The following DLG2 variants were observed in gnomAD, a reference collection of about 807,000 sequenced individuals.
DLG2 encodes the protein discs large MAGUK scaffold protein 2.
A neutral mutation model predicts 132.5 loss-of-function variants in DLG2; 45 were observed. That is an observed-to-expected ratio of 0.34 (90% CI 0.27 to 0.44). DLG2 has a LOEUF of 0.44. Ranked by LOEUF, DLG2 falls within the 20% of genes least tolerant of loss-of-function variation. The probability of loss-of-function intolerance (pLI) is 1.00; values close to 1 mark genes in which losing one functional copy is unlikely to be tolerated. For synonymous variants in DLG2, 424 were observed against 419.6 expected, an observed-to-expected ratio of 1.01 and a Z score of -0.13; for missense variants, 1,045 against 1,196.9, an observed-to-expected ratio of 0.87 and a Z score of 1.87.
At chr11:83,559,934 G>T (rs1028782195) in intron 19 of DLG2, among the ~76,000 whole-genome samples, 1 of 152,108 alleles carries the variant, frequency 6.6e-6, no homozygotes, top group African/African-American at 2.4e-5. Context: ...ACCCTGAAGA[G>T]CCTACCCTGA....
At chr11:83,863,877 A>G (rs1170215637) in intron 16 of DLG2, among the ~76,000 whole-genome samples, 1 of 152,142 alleles carries the variant, frequency 6.6e-6, no homozygotes, top group Non-Finnish European at 1.5e-5. Context: ...CAAGGACTTC[A>G]GGGATGCAGT....
intron 15 of DLG2, among the ~76,000 whole-genome samples, chr11:83,906,245 TCTCTCTCTCTCTCACA>T (rs2074817092): frequency 8.5e-6 from 1 of 117,146 alleles, no homozygotes; most frequent in Admixed American, 8.7e-5. Context: ...TCTCTCTCTC[TCTCTCTCTCTCTCACA>T]CACACACACA....
chr11:85,146,316 C>T (rs961513657), intron 5 of DLG2, among the ~76,000 whole-genome samples: 1 of 151,418 alleles, frequency 6.6e-6, no homozygotes, highest in African/African-American at 2.4e-5. Flanking sequence ...CCAAAGCTAT[C>T]ACAGCCAGGA....
intron 6 of DLG2, among the ~76,000 whole-genome samples, chr11:84,563,946 T>C (rs1476242272): frequency 6.6e-6 from 1 of 152,220 alleles, no homozygotes; most frequent in Non-Finnish European, 1.5e-5. Context: ...ACATTTCAGA[T>C]ACTGATATTA....
At chr11:84,229,038 T>G (rs1218839097) in intron 8 of DLG2, among the ~76,000 whole-genome samples, 1 of 152,188 alleles carries the variant, frequency 6.6e-6, no homozygotes, top group African/African-American at 2.4e-5. Context: ...CTATATCATA[T>G]GTACTCTATA....
At chr11:83,989,879 G>A (rs2093606189) in intron 11 of DLG2, among the ~76,000 whole-genome samples, 2 of 152,148 alleles carry the variant, frequency 1.3e-5, no homozygotes, top group Non-Finnish European at 2.9e-5. Flanking sequence ...TGATTTCGGG[G>A]AAGTGATAGT....
chr11:85,116,815 C>A (rs2073660103), intron 5 of DLG2, among the ~76,000 whole-genome samples: 1 of 151,874 alleles, frequency 6.6e-6, no homozygotes, highest in South Asian at 2.1e-4. Flanking sequence ...TGAATCCTAT[C>A]TATAATGTAA....
intron 18 of DLG2, among the ~76,000 whole-genome samples, chr11:83,648,889 C>T (rs920086038): frequency 4.6e-5 from 7 of 152,142 alleles, no homozygotes; most frequent in Admixed American, 1.3e-4. Flanking sequence ...TCCTTTATAC[C>T]TTTTAAAAGT....
chr11:84,995,588 C>T (rs557820792), intron 6 of DLG2, among the ~76,000 whole-genome samples: 1 of 152,292 alleles, frequency 6.6e-6, no homozygotes, highest in South Asian at 2.1e-4. Flanking sequence ...GAAATATATA[C>T]ACTTACATAT....
At chr11:83,707,424 C>G (rs1399183996) in intron 18 of DLG2, among the ~76,000 whole-genome samples, 1 of 152,326 alleles carries the variant, frequency 6.6e-6, no homozygotes, top group East Asian at 1.9e-4. Flanking sequence ...AATCCCAGCA[C>G]TTTGGGAGGC....
At chr11:84,819,512 A>T (rs1221645836) in intron 6 of DLG2, among the ~76,000 whole-genome samples, 1 of 151,850 alleles carries the variant, frequency 6.6e-6, no homozygotes, top group African/African-American at 2.4e-5. Flanking sequence ...TTTCATGCCT[A>T]TATGCCTGGC....
chr11:84,082,436 C>T (rs2096918353), intron 10 of DLG2, among the ~76,000 whole-genome samples: 1 of 152,112 alleles, frequency 6.6e-6, no homozygotes, highest in Non-Finnish European at 1.5e-5. Context: ...CAGAGAAATA[C>T]ATTATCTTCA....
At chr11:85,030,913 A>G (rs2060943642) in intron 6 of DLG2, among the ~76,000 whole-genome samples, 1 of 151,962 alleles carries the variant, frequency 6.6e-6, no homozygotes, top group Admixed American at 6.6e-5. Context: ...CCTCTGAATG[A>G]ACTTTTAGCT....
At chr11:85,228,696 T>C (rs1350413551) in intron 4 of DLG2, among the ~76,000 whole-genome samples, 1 of 151,932 alleles carries the variant, frequency 6.6e-6, no homozygotes, top group Non-Finnish European at 1.5e-5. Flanking sequence ...TTTATATTTT[T>C]ATGGCTACCC....
chr11:84,008,017 T>C (rs1278749862), intron 11 of DLG2, among the ~76,000 whole-genome samples: 2 of 151,868 alleles, frequency 1.3e-5, no homozygotes, highest in African/African-American at 2.4e-5. Flanking sequence ...TACATTTATT[T>C]AAATTTTAGG....
chr11:85,157,415 G>A (rs1163467336), intron 4 of DLG2, among the ~76,000 whole-genome samples: 6 of 152,130 alleles, frequency 3.9e-5, no homozygotes, highest in African/African-American at 1.2e-4. Flanking sequence ...GGAGAACACT[G>A]ATAGTCCTTG....
chr11:84,473,813 A>G (rs768123495), intron 7 of DLG2, among the ~76,000 whole-genome samples: 3 of 152,106 alleles, frequency 2.0e-5, no homozygotes, highest in African/African-American at 4.8e-5. Context: ...CGGAATTAAC[A>G]TAAGTTTTTA....
intron 3 of DLG2, among the ~76,000 whole-genome samples, chr11:85,412,018 G>A (rs936156815): frequency 1.3e-5 from 2 of 151,712 alleles, no homozygotes; most frequent in East Asian, 3.9e-4. Context: ...TGTGTTTTTG[G>A]TAATTGAACT....
chr11:84,959,405 T>G (rs917896738), intron 6 of DLG2, among the ~76,000 whole-genome samples: 5 of 152,172 alleles, frequency 3.3e-5, no homozygotes, highest in Non-Finnish European at 7.4e-5. Context: ...ACAGAGCCCC[T>G]TCCTTGTTTT....
Sources: gnomAD v4.1 joint callset for allele counts (sites outside exome capture counted in the v4.1 genomes callset) on GRCh38, gnomAD v4.1.1 for gene constraint, MANE v1.5 for transcripts, NCBI Gene and HGNC (gene_info 2026-07-23, HGNC 2026-07-21) for gene names.